The following SGCZ variants were observed in gnomAD, a reference collection of about 807,000 sequenced individuals.
SGCZ encodes zeta-sarcoglycan.
A neutral mutation model predicts 41.3 loss-of-function variants in SGCZ; 40 were observed. The observed-to-expected ratio is 0.97, with a 90% CI of 0.75 to 1.26. The LOEUF is 1.26. Among genes scored for constraint, SGCZ ranks in the 50% most tolerant of loss-of-function variants. The pLI is 0.00. For missense variants in SGCZ, 552 were observed against 369.8 expected (o/e 1.49, Z -4.04); for synonymous variants, 206 against 137.5 (o/e 1.50, Z -3.49).
chr8:14,961,612 C>T (rs1322578635), intron 1 of SGCZ, among the ~76,000 whole-genome samples: 2 of 152,070 alleles, frequency 1.3e-5, no homozygotes, highest in African/African-American at 4.8e-5. Flanking sequence ...ATATGATAAA[C>T]TTTAAGAAAA....
chr8:14,612,167 G>T (rs12676368), intron 1 of SGCZ, among the ~76,000 whole-genome samples: 23,025 of 152,006 alleles, frequency 0.15, 2,195 homozygotes, highest in South Asian at 0.22. Context: ...GATATGGTTT[G>T]GCTCTGTGTC....
intron 4 of SGCZ, among the ~76,000 whole-genome samples, chr8:14,218,394 A>G (rs1289787353): frequency 1.3e-5 from 2 of 152,236 alleles, no homozygotes; most frequent in Non-Finnish European, 2.9e-5. Context: ...TCTTTTTCAG[A>G]AAGTATTAAG....
At chr8:14,386,444 A>T (rs1411417854) in intron 2 of SGCZ, among the ~76,000 whole-genome samples, 1 of 152,200 alleles carries the variant, frequency 6.6e-6, no homozygotes, top group African/African-American at 2.4e-5. Flanking sequence ...CTGTGGCTGC[A>T]ACAGTTGTAT....
chr8:14,737,615 G>A (rs1385727759), intron 1 of SGCZ, among the ~76,000 whole-genome samples: 1 of 152,010 alleles, frequency 6.6e-6, no homozygotes, highest in Non-Finnish European at 1.5e-5. Context: ...CAAGGTATTG[G>A]CAGGATTGAT....
At chr8:14,143,444 A>ATAAC (rs1189767555) in intron 5 of SGCZ, among the ~76,000 whole-genome samples, 1 of 152,264 alleles carries the variant, frequency 6.6e-6, no homozygotes, top group African/African-American at 2.4e-5. Context: ...ACAATTTTCT[A>ATAAC]TAACTCATAA....
intron 2 of SGCZ, among the ~76,000 whole-genome samples, chr8:14,394,227 T>A (rs1015983595): frequency 1.4e-5 from 2 of 146,430 alleles, no homozygotes. Context: ...CTCGGCTCAC[T>A]GCAACCTCTG....
intron 4 of SGCZ, among the ~76,000 whole-genome samples, chr8:14,177,840 A>G (rs940556844): frequency 2.7e-5 from 4 of 149,906 alleles, no homozygotes; most frequent in African/African-American, 9.8e-5. Context: ...TTCCTTTTCT[A>G]TCTGCTTTGA....
At chr8:14,203,320 G>T (rs188352827) in intron 4 of SGCZ, among the ~76,000 whole-genome samples, 1 of 152,240 alleles carries the variant, frequency 6.6e-6, no homozygotes, top group East Asian at 1.9e-4. Context: ...GAGTGTAGGA[G>T]ATCTTTTCTT....
At chr8:15,051,666 T>C (rs1385539347) in intron 1 of SGCZ, among the ~76,000 whole-genome samples, 1 of 152,210 alleles carries the variant, frequency 6.6e-6, no homozygotes, top group Non-Finnish European at 1.5e-5. Flanking sequence ...CCGTTGGTGT[T>C]ACCATTTTTT....
chr8:15,059,181 T>A (rs1159747417), intron 1 of SGCZ, among the ~76,000 whole-genome samples: 2 of 152,218 alleles, frequency 1.3e-5, no homozygotes, highest in Non-Finnish European at 2.9e-5. Context: ...TCTTTCAGTA[T>A]AGATATTCTC....
intron 2 of SGCZ, among the ~76,000 whole-genome samples, chr8:14,403,090 T>C (rs1227322839): frequency 6.7e-6 from 1 of 150,160 alleles, no homozygotes; most frequent in Non-Finnish European, 1.5e-5. Flanking sequence ...GCTCTCTGTT[T>C]GTCTGCTGTT....
Position 14,102,450 on chromosome 8 carries a change from G to T in SGCZ, c.670C>A (p.Gln224Lys). The change falls in exon 7 of 8, where the codon CAG (glutamine) becomes AAG (lysine). Residue 224 changes from glutamine to lysine, a missense_variant. Gln to Lys is a moderately conservative substitution (Grantham distance 53, BLOSUM62 1). Coordinates refer to ENST00000382080, the MANE Select transcript of SGCZ (RefSeq NM_139167.4). Reference protein sequence around the residue: ...SLIMEAPRGVQVSAAAGDFKA... With the variant: ...SLIMEAPRGVKVSAAAGDFKA... ...AAGTCTCCTGCAGCAGCACTCACCTGGACCCCACGGGGAGCTTCCATGATC... is the reference window on the plus strand; with the variant it reads ...AAGTCTCCTGCAGCAGCACTCACCTTGACCCCACGGGGAGCTTCCATGATC... The T allele has an allele frequency of 6.6e-7, 1 of 1,519,532 alleles. No homozygotes were observed. The highest frequency in any genetic ancestry group is 8.9e-7 in the Non-Finnish European group (1 of 1,120,596). The allele number at this position is 1,519,532 out of a possible 1,614,324, so 94.1% of individuals were successfully genotyped here.
At position 14,510,649 on chromosome 8, in the gene SGCZ, T is replaced by G. The variant is rs1422919719; in HGVS notation, c.234+44083A>C. On this transcript the variant is annotated intron_variant, in intron 2 of 7. Coordinates refer to ENST00000382080, the MANE Select transcript of SGCZ (RefSeq NM_139167.4). ...TGGTAGAACATCATGAAGTGAGGCC[T>G]GTAAGGGCAGATATGAATGAAAAAG... is the stretch of plus-strand genomic sequence containing the variant. 2.6e-5 allele frequency among the ~76,000 whole-genome samples: 4 copies of G among 152,160 alleles called. No homozygotes were observed. In the South Asian group the frequency reaches 8.3e-4, roughly 31 times the overall value.
intron 1 of SGCZ, among the ~76,000 whole-genome samples, chr8:15,066,681 A>G (rs1021583948): frequency 6.6e-6 from 1 of 152,140 alleles, no homozygotes; most frequent in Non-Finnish European, 1.5e-5. Context: ...TACATTGACT[A>G]TATCGCTTTT....
intron 2 of SGCZ, among the ~76,000 whole-genome samples, chr8:14,435,168 C>G (rs1410908070): frequency 2.0e-5 from 3 of 152,140 alleles, no homozygotes; most frequent in African/African-American, 7.2e-5. Flanking sequence ...GCTGCAATCA[C>G]CACCGATATG....
chr8:14,993,849 A>T (rs1312080614), intron 1 of SGCZ, among the ~76,000 whole-genome samples: 1 of 152,170 alleles, frequency 6.6e-6, no homozygotes, highest in Non-Finnish European at 1.5e-5. Context: ...TTTTCTCCAC[A>T]TGAGTTAGGA....
intron 1 of SGCZ, among the ~76,000 whole-genome samples, chr8:15,132,431 A>G (rs745929839): frequency 3.9e-5 from 6 of 152,186 alleles, no homozygotes; most frequent in African/African-American, 7.2e-5. Flanking sequence ...CCGCCATCAC[A>G]TGCCTCATGG....
chr8:14,807,670 G>C (rs899950803), intron 1 of SGCZ, among the ~76,000 whole-genome samples: 25 of 151,738 alleles, frequency 1.6e-4, no homozygotes, highest in Admixed American at 6.6e-4. Context: ...GTAATTTACA[G>C]ATTCAATGCC....
chr8:15,066,840 A>C (rs1805167936), intron 1 of SGCZ, among the ~76,000 whole-genome samples: 1 of 152,194 alleles, frequency 6.6e-6, no homozygotes, highest in Admixed American at 6.6e-5. Flanking sequence ...ATCATGGAGA[A>C]GTATTATAGT....
Sources: gnomAD v4.1 joint callset for allele counts (sites outside exome capture counted in the v4.1 genomes callset) on GRCh38, gnomAD v4.1.1 for gene constraint, MANE v1.5 for transcripts, NCBI Gene and HGNC (gene_info 2026-07-23, HGNC 2026-07-21) for gene names.